The following KCND3 variants were observed in gnomAD, a reference collection of about 807,000 sequenced individuals.
KCND3 encodes the protein A-type voltage-gated potassium channel KCND3.
Under a neutral mutation model 51.1 loss-of-function variants are expected in KCND3, and 9 were observed. The ratio of observed to expected loss-of-function variants is 0.18; its 90% CI spans 0.11 to 0.31. The LOEUF is 0.31. KCND3 is among the 10% of genes least tolerant of loss of function. The probability of loss-of-function intolerance (pLI) is 1.00; values close to 1 mark genes in which losing one functional copy is unlikely to be tolerated. For synonymous variants in KCND3, 349 were observed against 368.0 expected (o/e 0.95, Z 0.59); for missense variants, 526 against 903.8 (o/e 0.58, Z 5.36).
At chr1:111,967,192 G>T (rs1431047260) in intron 2 of KCND3, among the ~76,000 whole-genome samples, 3 of 151,838 alleles carry the variant, frequency 2.0e-5, no homozygotes, top group Admixed American at 2.0e-4. Context: ...ACGGGGTCGG[G>T]GGGTAAACTC....
At chr1:111,882,831 T>G (rs1669397039) in intron 2 of KCND3, among the ~76,000 whole-genome samples, 1 of 152,100 alleles carries the variant, frequency 6.6e-6, no homozygotes, top group Non-Finnish European at 1.5e-5. Flanking sequence ...AACTCTTCCT[T>G]TCCACCCCAG....
chr1:111,936,558 C>G (rs78504466), intron 2 of KCND3, among the ~76,000 whole-genome samples: 2,296 of 152,294 alleles, frequency 0.015, 26 homozygotes, highest in Non-Finnish European at 0.023. Context: ...TTGGTATCAT[C>G]AAGGCATGCG....
chr1:111,809,535 C>A (rs1264143863), intron 2 of KCND3, among the ~76,000 whole-genome samples: 1 of 152,138 alleles, frequency 6.6e-6, no homozygotes, highest in African/African-American at 2.4e-5. Flanking sequence ...GTCTCAATCT[C>A]CTGACCTCAT....
In KCND3 at chr1:111,859,172, C is replaced by T. The variant is rs817971; in HGVS notation, c.1107-72066G>A. On this transcript the variant is annotated intron_variant, in intron 2 of 7. Transcript: ENST00000302127. ...GATTGAAACTCTCTAGCATGACCTA[C>T]AAGGCCCTGATGAGCTGATGCTATG... Among the ~76,000 whole-genome samples the T allele has an allele frequency of 7.2e-3, 1,098 of 152,332 alleles. 17 individuals are homozygous for T. Among genetic ancestry groups the T allele is most frequent in the African/African-American group, 0.025 (1,042 of 41,568 alleles).
chr1:111,823,066 G>A (rs772401325), intron 2 of KCND3, among the ~76,000 whole-genome samples: 7 of 152,180 alleles, frequency 4.6e-5, no homozygotes, highest in Non-Finnish European at 7.3e-5. Flanking sequence ...GGCTATGGGC[G>A]GAATCACAGA....
intron 1 of KCND3, among the ~76,000 whole-genome samples, chr1:111,985,548 AC>A (rs1209596576): frequency 2.0e-5 from 3 of 151,846 alleles, no homozygotes; most frequent in African/African-American, 7.3e-5. Context: ...TCGAGCTGGG[AC>A]CCCTGGTTTT....
chr1:111,878,231 C>T lies in KCND3; in HGVS notation c.1107-91125G>A, dbSNP rs138865340. 5.7e-3 allele frequency among the ~76,000 whole-genome samples: 868 copies of T among 152,322 alleles called. 12 individuals carry two copies. Among genetic ancestry groups the T allele is most frequent in the African/African-American group, 0.02 (845 of 41,556 alleles). ...AGACTAACAGGCAGAGAAGCATGTA[C>T]GTGAAACCTCTTCCTGTCTCTTTGC... On this transcript the variant is annotated intron_variant, in intron 2 of 7. Transcript: ENST00000302127.
rs747490153 is a variant in KCND3 at position 111,958,746 on chromosome 1, C to G, written c.1106+22875G>C. 1.6e-4 allele frequency among the ~76,000 whole-genome samples: 25 copies of G among 152,176 alleles called. 1 individual carries two copies. Among genetic ancestry groups the G allele is most frequent in the African/African-American group, 2.4e-5 (1 of 41,434 alleles). ...ATCTGTCCTGGCAGACAACACTGCA[C>G]TATAGCCCTTTGATCTCCACCCCAC... On this transcript the variant is annotated intron_variant, in intron 2 of 7. Coordinates refer to ENST00000302127, the MANE Select transcript of KCND3 (RefSeq NM_001378969.1).
At chr1:111,778,783 C>T (rs2101463933) in intron 5 of KCND3, among the ~76,000 whole-genome samples, 1 of 152,272 alleles carries the variant, frequency 6.6e-6, no homozygotes, top group South Asian at 2.1e-4. Flanking sequence ...ATCCAGCATT[C>T]CAGAGCTTTA....
intron 2 of KCND3, among the ~76,000 whole-genome samples, chr1:111,976,715 G>A (rs142205085): frequency 1.3e-3 from 191 of 152,348 alleles, no homozygotes; most frequent in African/African-American, 4.4e-3. Flanking sequence ...TGGAGGTGAC[G>A]TGGGGCTGAG....
intron 2 of KCND3, among the ~76,000 whole-genome samples, chr1:111,844,214 G>A (rs537078937): frequency 1.3e-5 from 2 of 152,284 alleles, no homozygotes; most frequent in Admixed American, 1.3e-4. Flanking sequence ...AAGCAAATTG[G>A]ACACCAGCTC....
chr1:111,871,336 A>C (rs1371024206), intron 2 of KCND3, among the ~76,000 whole-genome samples: 3 of 152,230 alleles, frequency 2.0e-5, no homozygotes, highest in African/African-American at 7.2e-5. Context: ...CAAGGCAATG[A>C]AGGAATGATG....
chr1:111,848,101 C>T (rs1046827706), intron 2 of KCND3, among the ~76,000 whole-genome samples: 1 of 152,252 alleles, frequency 6.6e-6, no homozygotes, highest in Non-Finnish European at 1.5e-5. Flanking sequence ...ACTGAGGGAG[C>T]TGACAGACTG....
At chr1:111,834,257 T>C (rs1192334413) in intron 2 of KCND3, among the ~76,000 whole-genome samples, 1 of 152,182 alleles carries the variant, frequency 6.6e-6, no homozygotes, top group African/African-American at 2.4e-5. Flanking sequence ...AGAATTTTCT[T>C]GTAAGGGGGA....
At chr1:111,791,344 T>C (rs1043491803) in intron 2 of KCND3, among the ~76,000 whole-genome samples, 2 of 152,214 alleles carry the variant, frequency 1.3e-5, no homozygotes, top group African/African-American at 2.4e-5. Context: ...TCAGTCTCTT[T>C]CAAAGAAGCC....
intron 2 of KCND3, among the ~76,000 whole-genome samples, chr1:111,834,804 G>A (rs1162390888): frequency 1.3e-5 from 2 of 152,238 alleles, no homozygotes; most frequent in African/African-American, 4.8e-5. Flanking sequence ...GATAGTTGAA[G>A]ACAACCAGCA....
intron 2 of KCND3, among the ~76,000 whole-genome samples, chr1:111,961,812 C>T (rs766513095): frequency 2.0e-5 from 3 of 152,318 alleles, no homozygotes; most frequent in East Asian, 1.9e-4. Context: ...AATACTGGGG[C>T]TATCGCCTCA....
At chr1:111,815,843 G>C (rs1306665081) in intron 2 of KCND3, among the ~76,000 whole-genome samples, 1 of 152,044 alleles carries the variant, frequency 6.6e-6, no homozygotes, top group African/African-American at 2.4e-5. Flanking sequence ...GGCTAAGATA[G>C]AAAGAAGGTA....
chr1:111,825,934 T>C (rs994263873), intron 2 of KCND3, among the ~76,000 whole-genome samples: 1 of 152,174 alleles, frequency 6.6e-6, no homozygotes, highest in Non-Finnish European at 1.5e-5. Context: ...ACGTGCAGTG[T>C]TTGAATGAGA....
Sources: allele counts gnomAD v4.1 joint callset (sites outside exome capture counted in the v4.1 genomes callset), GRCh38; gene constraint gnomAD v4.1.1; transcripts MANE v1.5; gene names NCBI Gene and HGNC (gene_info 2026-07-23, HGNC 2026-07-21).